Variants in PRKAR2B observed in about 807,000 individuals in gnomAD.
PRKAR2B encodes protein kinase cAMP-dependent type II regulatory subunit beta.
Under a neutral mutation model 49.9 loss-of-function variants are expected in PRKAR2B, and 14 were observed. The ratio of observed to expected loss-of-function variants is 0.28; its 90% CI spans 0.19 to 0.44. The LOEUF (loss-of-function observed/expected upper bound fraction) is 0.44. PRKAR2B is among the 20% of genes least tolerant of loss of function. The pLI, the probability that PRKAR2B is intolerant of heterozygous loss-of-function variation, is 1.00. For missense variants in PRKAR2B, 393 were observed against 537.9 expected (o/e 0.73, Z 2.67); for synonymous variants, 196 against 197.7 (o/e 0.99, Z 0.07).
chr7:107,150,589 AG>A (rs1476880889), intron 6 of PRKAR2B, among the ~76,000 whole-genome samples: 7 of 4,344 alleles, frequency 1.6e-3, no homozygotes, highest in East Asian at 0.038. Context: ...AAAAGAACAG[AG>A]TGCTAGTATA....
chr7:107,155,926 A>T (rs774488059), intron 8 of PRKAR2B, among the ~76,000 whole-genome samples: 2 of 152,248 alleles, frequency 1.3e-5, no homozygotes, highest in African/African-American at 2.4e-5. Context: ...CTATGCAGCC[A>T]TAAAAAAGAA....
At chr7:107,088,966 C>A (rs1471454416) in intron 2 of PRKAR2B, among the ~76,000 whole-genome samples, 1 of 151,852 alleles carries the variant, frequency 6.6e-6, no homozygotes, top group African/African-American at 2.4e-5. Flanking sequence ...GTCAGGAGTG[C>A]GAGACTAGCC....
chr7:107,153,417 C>T (rs542182884), intron 8 of PRKAR2B, among the ~76,000 whole-genome samples, 166 bp downstream of exon 8: 1 of 152,212 alleles, frequency 6.6e-6, no homozygotes, highest in South Asian at 2.1e-4. Flanking sequence ...CATTTATAGT[C>T]ATTACTCTAT....
chr7:107,075,743 CCTT>C (rs1363022042), intron 2 of PRKAR2B, among the ~76,000 whole-genome samples: 1 of 152,230 alleles, frequency 6.6e-6, no homozygotes, highest in East Asian at 1.9e-4. Context: ...TCGCTCTCAG[CCTT>C]CTTCTTATGA....
chr7:107,097,437 A>G (rs2116808270), intron 2 of PRKAR2B, among the ~76,000 whole-genome samples: 1 of 152,154 alleles, frequency 6.6e-6, no homozygotes, highest in East Asian at 1.9e-4. Flanking sequence ...AATACAGGAC[A>G]CTGATGAATC....
chr7:107,066,011 A>G (rs1794129267), intron 1 of PRKAR2B, among the ~76,000 whole-genome samples: 1 of 152,230 alleles, frequency 6.6e-6, no homozygotes, highest in African/African-American at 2.4e-5. Flanking sequence ...AAACGAATCT[A>G]GTGGAATATA....
At chr7:107,124,150 C>G (rs1400779656) in intron 3 of PRKAR2B, among the ~76,000 whole-genome samples, 1 of 151,984 alleles carries the variant, frequency 6.6e-6, no homozygotes, top group Non-Finnish European at 1.5e-5. Flanking sequence ...GATATGAATT[C>G]AAAGAAAATG....
intron 3 of PRKAR2B, among the ~76,000 whole-genome samples, chr7:107,126,111 AG>A (rs1795479855): frequency 7.5e-6 from 1 of 132,506 alleles, no homozygotes; most frequent in Non-Finnish European, 1.7e-5. Flanking sequence ...AAAAAAAAAG[AG>A]GCCAGGCGCG....
intron 2 of PRKAR2B, among the ~76,000 whole-genome samples, chr7:107,091,491 G>A (rs909668578): frequency 6.6e-6 from 1 of 152,172 alleles, no homozygotes; most frequent in African/African-American, 2.4e-5. Flanking sequence ...GGAGCTGCGT[G>A]CACATTCCAC....
At chr7:107,083,891 G>A (rs1175139671) in intron 2 of PRKAR2B, among the ~76,000 whole-genome samples, 1 of 152,106 alleles carries the variant, frequency 6.6e-6, no homozygotes, top group Non-Finnish European at 1.5e-5. Context: ...GATTACAGGC[G>A]TGAGCCACCA....
intron 5 of PRKAR2B, among the ~76,000 whole-genome samples, 198 bp downstream of exon 5, chr7:107,141,151 T>C (rs577449600): frequency 1.3e-5 from 2 of 152,200 alleles, no homozygotes; most frequent in Non-Finnish European, 2.9e-5. Context: ...ACATAGTTTA[T>C]AGAGGAACTA....
intron 2 of PRKAR2B, among the ~76,000 whole-genome samples, chr7:107,097,906 T>A (rs989419831): frequency 6.6e-6 from 1 of 152,238 alleles, no homozygotes; most frequent in Non-Finnish European, 1.5e-5. Context: ...CTTCCCTTTG[T>A]GGGTAACCCG....
intron 2 of PRKAR2B, among the ~76,000 whole-genome samples, chr7:107,097,760 C>T (rs1429778114): frequency 1.3e-5 from 2 of 152,096 alleles, no homozygotes; most frequent in African/African-American, 4.8e-5. Context: ...ATTTCTCCTC[C>T]ACTTATGAAG....
At chr7:107,084,456 C>T (rs552698362) in intron 2 of PRKAR2B, among the ~76,000 whole-genome samples, 5 of 151,950 alleles carry the variant, frequency 3.3e-5, no homozygotes, top group Admixed American at 6.6e-5. Flanking sequence ...ATATGTAAAG[C>T]GTAGTATTCA....
At position 107,136,595 on chromosome 7, in the gene PRKAR2B, A is replaced by G. The variant is rs191942413; in HGVS notation, c.481-4252A>G. Among the ~76,000 whole-genome samples, 33 of 152,346 alleles carry G rather than the reference A, an allele frequency of 2.2e-4. 1 individual carries two copies. The highest frequency in any genetic ancestry group is 5.9e-5 in the Non-Finnish European group (4 of 68,028). The stretch of plus-strand genomic sequence containing the variant: ...CATGTCATCAGGGAAATGCAACTTA[A>G]AACAGCAATGAGATAGTACTACACA... On this transcript the variant is annotated intron_variant, in intron 4 of 10. Transcript: ENST00000265717.
chr7:107,086,346 G>T (rs1562851913), intron 2 of PRKAR2B, among the ~76,000 whole-genome samples: 1 of 152,046 alleles, frequency 6.6e-6, no homozygotes, highest in African/African-American at 2.4e-5. Context: ...AGCTCATAAG[G>T]TATGGTTAAT....
intron 8 of PRKAR2B, among the ~76,000 whole-genome samples, chr7:107,155,492 G>A (rs1285641981): frequency 6.6e-6 from 1 of 152,190 alleles, no homozygotes; most frequent in Non-Finnish European, 1.5e-5. Context: ...CACCAACAGT[G>A]CAAAAGCATT....
At chr7:107,085,239 A>G (rs1227208542) in intron 2 of PRKAR2B, among the ~76,000 whole-genome samples, 2 of 152,120 alleles carry the variant, frequency 1.3e-5, no homozygotes, top group African/African-American at 2.4e-5. Flanking sequence ...GATGGAGTGA[A>G]GAGTGGAAGG....
In PRKAR2B at chr7:107,101,229, G is replaced by A. The variant is rs780125481; in HGVS notation, c.344-20723G>A. Reference sequence around the variant, plus strand: ...GTGGCTGCTAATGTTTCTGCTTTTCGTTTGTTTGTTTTTATTTTTAACCCT... The same window carrying A: ...GTGGCTGCTAATGTTTCTGCTTTTCATTTGTTTGTTTTTATTTTTAACCCT... On this transcript the variant is annotated intron_variant, in intron 2 of 10. Transcript: ENST00000265717. Among the ~76,000 whole-genome samples, 3 of 143,212 alleles carry A rather than the reference G, an allele frequency of 2.1e-5. No individual in the cohort carries two copies. The East Asian group carries it at 6.1e-4, about 29-fold the overall frequency. The allele number at this position is 143,212 out of a possible 152,430, so 94.0% of individuals were successfully genotyped here.
Sources: gnomAD v4.1 joint callset for allele counts (sites outside exome capture counted in the v4.1 genomes callset) on GRCh38, gnomAD v4.1.1 for gene constraint, MANE v1.5 for transcripts, NCBI Gene and HGNC (gene_info 2026-07-23, HGNC 2026-07-21) for gene names.